RFPL1: variants seen among roughly 807,000 people sequenced by gnomAD.
RFPL1 encodes the protein ret finger protein like 1, also known as ret finger protein-like 1.
RFPL1 carries 6 observed loss-of-function variants against 9.6 expected under a neutral mutation model. That is an observed-to-expected ratio of 0.62 (90% CI 0.34 to 1.23). The LOEUF is 1.23. RFPL1 is among the 50% of genes most tolerant of loss of function. RFPL1 has a pLI of 0.03. For synonymous variants in RFPL1, 145 were observed against 149.4 expected (o/e 0.97, Z 0.22); for missense variants, 352 against 398.4 (o/e 0.88, Z 0.99).
the RFPL1 span, among the ~76,000 whole-genome samples, chr22:29,392,378 CTTTTTTTTT>C: frequency 8.0e-4 from 37 of 46,286 alleles, no homozygotes; most frequent in African/African-American, 2.3e-3. Context: ...CCACACCTGG[CTTTTTTTTT>C]TTTTTTTTTT....
At chr22:29,408,257 G>A in the RFPL1 span, among the ~76,000 whole-genome samples, 1 of 152,182 alleles carries the variant, frequency 6.6e-6, no homozygotes, top group Non-Finnish European at 1.5e-5. Context: ...GTGCCTTTCT[G>A]TATTAAACTG....
chr22:29,420,442 T>C, the RFPL1 span, among the ~76,000 whole-genome samples: 1 of 152,200 alleles, frequency 6.6e-6, no homozygotes, highest in East Asian at 1.9e-4. Context: ...GCAATTCTCC[T>C]GCCTCAGCAT....
the RFPL1 span, among the ~76,000 whole-genome samples, chr22:29,422,719 G>T: frequency 0.19 from 29,079 of 151,808 alleles, 3,309 homozygotes; most frequent in East Asian, 0.4. Context: ...CTCCAGCTTG[G>T]GCGACAAGAG....
At chr22:29,413,515 T>TA in the RFPL1 span, among the ~76,000 whole-genome samples, 1 of 152,222 alleles carries the variant, frequency 6.6e-6, no homozygotes, top group East Asian at 1.9e-4. Flanking sequence ...AAATTTCCTT[T>TA]AGCACCTATT....
Position 29,442,045 on chromosome 22 carries a change from AAG to A in RFPL1, c.880_881del (p.Ser294CysfsTer14). 2 of 1,613,930 alleles carry A rather than the reference AAG, an allele frequency of 1.2e-6. No individual in the cohort carries two copies. The highest frequency in any genetic ancestry group is 1.3e-5 in the African/African-American group (1 of 74,992). Reference sequence around the variant, plus strand: ...TCCTCCAAGTCCACCTAATGGTGATAAGAGTGTCTTGAGTATCTGTCCTGTGA... The same window carrying A: ...TCCTCCAAGTCCACCTAATGGTGATAAGTGTCTTGAGTATCTGTCCTGTGA... On this transcript the variant is annotated frameshift_variant, in exon 2 of 2. Transcript: ENST00000354373. LOFTEE classifies it low-confidence loss of function (END_TRUNC).
chr22:29,410,596 G>T, the RFPL1 span, among the ~76,000 whole-genome samples: 60 of 123,428 alleles, frequency 4.9e-4, no homozygotes, highest in African/African-American at 1.7e-3. Context: ...TCTATATATA[G>T]ATATATATAG....
the RFPL1 span, among the ~76,000 whole-genome samples, chr22:29,407,777 T>C: frequency 2.0e-5 from 3 of 152,380 alleles, no homozygotes; most frequent in Admixed American, 2.0e-4. Context: ...GTGACTTCTT[T>C]CTTTCCTTTG....
the RFPL1 span, among the ~76,000 whole-genome samples, chr22:29,414,783 T>TA: frequency 1.3e-5 from 2 of 152,102 alleles, no homozygotes; most frequent in African/African-American, 4.8e-5. Flanking sequence ...CCCCATACTT[T>TA]AAGATTTTTG....
upstream of RFPL1, chr22:29,435,023 C>A (rs935283862): frequency 1.3e-5 from 2 of 152,184 alleles, no homozygotes; most frequent in Admixed American, 1.3e-4. Context: ...AGCCACAAAA[C>A]CATTTAGACA....
the RFPL1 span, among the ~76,000 whole-genome samples, chr22:29,418,223 C>T: frequency 2.6e-5 from 4 of 151,810 alleles, no homozygotes; most frequent in Admixed American, 2.0e-4. Context: ...CCACCGCACC[C>T]AGCCTCGAAT....
chr22:29,436,104 A>T (rs560732333), upstream of RFPL1, among the ~76,000 whole-genome samples: 1 of 151,686 alleles, frequency 6.6e-6, no homozygotes, highest in Admixed American at 6.6e-5. Flanking sequence ...TTATACCTAG[A>T]TGGGAGAAAT....
chr22:29,432,184 C>T, the RFPL1 span, among the ~76,000 whole-genome samples: 1 of 152,198 alleles, frequency 6.6e-6, no homozygotes, highest in Non-Finnish European at 1.5e-5. Context: ...CCACTCCCTC[C>T]CTCAAGGACT....
chr22:29,430,010 G>A, the RFPL1 span, among the ~76,000 whole-genome samples: 1 of 145,932 alleles, frequency 6.9e-6, no homozygotes, highest in Non-Finnish European at 1.6e-5. Context: ...GAGGTTATCA[G>A]AAACAATGTT....
the RFPL1 span, among the ~76,000 whole-genome samples, chr22:29,395,470 G>A: frequency 2.8e-5 from 4 of 144,292 alleles, no homozygotes; most frequent in East Asian, 4.8e-4. Context: ...ACAACCCCCA[G>A]GGCAGAGAGG....
chr22:29,395,277 C>T, the RFPL1 span, among the ~76,000 whole-genome samples: 1 of 152,180 alleles, frequency 6.6e-6, no homozygotes, highest in South Asian at 2.1e-4. Context: ...TATTCCTCTA[C>T]TCCAGTCTCT....
chr22:29,390,688 C>T, the RFPL1 span, among the ~76,000 whole-genome samples: 3 of 151,750 alleles, frequency 2.0e-5, no homozygotes, highest in Middle Eastern at 6.8e-3. Flanking sequence ...CTCCGCCTCC[C>T]GGGTTCACGT....
At chr22:29,395,801 T>C in the RFPL1 span, among the ~76,000 whole-genome samples, 3 of 152,088 alleles carry the variant, frequency 2.0e-5, no homozygotes, top group Admixed American at 6.6e-5. Context: ...GGTGAAACCC[T>C]GTCTCTACTA....
the RFPL1 span, among the ~76,000 whole-genome samples, chr22:29,406,764 A>G: frequency 6.6e-6 from 1 of 152,182 alleles, no homozygotes; most frequent in Non-Finnish European, 1.5e-5. Context: ...ATTATAATAC[A>G]TTTCCTGGAA....
At chr22:29,389,301 T>C in the RFPL1 span, among the ~76,000 whole-genome samples, 2 of 151,880 alleles carry the variant, frequency 1.3e-5, no homozygotes, top group East Asian at 1.9e-4. Context: ...GGCAGGAGAA[T>C]AGCTTGAGCC....
Sources: allele counts gnomAD v4.1 joint callset (sites outside exome capture counted in the v4.1 genomes callset), GRCh38; gene constraint gnomAD v4.1.1; transcripts MANE v1.5; gene names NCBI Gene and HGNC (gene_info 2026-07-23, HGNC 2026-07-21).